The following SYN3 variants were observed in gnomAD, a reference collection of about 807,000 sequenced individuals.
SYN3 encodes synapsin III.
A neutral mutation model predicts 65.8 loss-of-function variants in SYN3; 35 were observed. The observed-to-expected ratio is 0.53, with a 90% CI of 0.41 to 0.70. The LOEUF is 0.70. SYN3 is among the 30% of genes least tolerant of loss of function. SYN3 has a pLI of 0.00. For missense variants in SYN3, 680 were observed against 749.0 expected (o/e 0.91, Z 1.08); for synonymous variants, 270 against 292.9 (o/e 0.92, Z 0.80).
intron 1 of SYN3, among the ~76,000 whole-genome samples, chr22:33,016,562 C>G (rs970359843): frequency 1.3e-5 from 2 of 152,190 alleles, no homozygotes; most frequent in Non-Finnish European, 2.9e-5. Flanking sequence ...CGCTCCAACA[C>G]TTGTATCTGA....
At chr22:32,616,115 C>G (rs978806467) in intron 6 of SYN3, among the ~76,000 whole-genome samples, 7 of 152,158 alleles carry the variant, frequency 4.6e-5, no homozygotes, top group Admixed American at 2.0e-4. Flanking sequence ...AGCCAGGAGC[C>G]GGAGTGACAG....
At chr22:32,896,359 G>A (rs2049593625) in intron 4 of SYN3, among the ~76,000 whole-genome samples, 1 of 152,200 alleles carries the variant, frequency 6.6e-6, no homozygotes, top group African/African-American at 2.4e-5. Context: ...GGGAGGCTGA[G>A]GCAGGAGAAT....
At chr22:32,808,969 C>T (rs960802849) in intron 6 of SYN3, among the ~76,000 whole-genome samples, 2 of 152,192 alleles carry the variant, frequency 1.3e-5, no homozygotes, top group Non-Finnish European at 2.9e-5. Flanking sequence ...TAAGTCTAGT[C>T]CTGTCTTCTG....
At chr22:32,523,467 TGTGC>T (rs2057923409) in intron 12 of SYN3, among the ~76,000 whole-genome samples, 1 of 152,118 alleles carries the variant, frequency 6.6e-6, no homozygotes, top group Non-Finnish European at 1.5e-5. Context: ...GAGCTGAGAT[TGTGC>T]AACTGTACTC....
At chr22:32,807,132 T>C (rs1184258114) in intron 6 of SYN3, among the ~76,000 whole-genome samples, 1 of 150,388 alleles carries the variant, frequency 6.6e-6, no homozygotes, top group Non-Finnish European at 1.5e-5. Context: ...CCCACCACAT[T>C]GGCAGACTGG....
intron 4 of SYN3, among the ~76,000 whole-genome samples, chr22:32,927,887 A>G (rs1202489328): frequency 6.6e-6 from 1 of 152,196 alleles, no homozygotes; most frequent in Non-Finnish European, 1.5e-5. Flanking sequence ...TTGGCAATTA[A>G]TTTCTCTCAG....
intron 10 of SYN3, chr22:32,529,957 G>A (rs907937794): frequency 1.3e-5 from 2 of 152,324 alleles, no homozygotes; most frequent in African/African-American, 4.8e-5. Context: ...ATCCAACAGG[G>A]AACAGCTAAC....
chr22:32,995,207 C>G (rs993658677), intron 2 of SYN3, among the ~76,000 whole-genome samples: 1 of 152,136 alleles, frequency 6.6e-6, no homozygotes, highest in South Asian at 2.1e-4. Flanking sequence ...TTGGCTCTTC[C>G]CAGCCAGAAA....
chr22:32,887,155 T>A (rs2049316499), intron 4 of SYN3, among the ~76,000 whole-genome samples: 1 of 152,078 alleles, frequency 6.6e-6, no homozygotes, highest in Non-Finnish European at 1.5e-5. Context: ...GGTGGGAGGA[T>A]CGCTTGAGTT....
At chr22:32,860,597 A>G (rs1218644566) in intron 6 of SYN3, 1 of 152,462 alleles carries the variant, frequency 6.6e-6, no homozygotes, top group African/African-American at 2.4e-5. Context: ...CTTCCCTATC[A>G]TGGGTCATCT....
intron 6 of SYN3, among the ~76,000 whole-genome samples, chr22:32,788,968 G>GC (rs904157251): frequency 1.4e-4 from 22 of 152,058 alleles, no homozygotes; most frequent in African/African-American, 9.6e-5. Flanking sequence ...GCCACATGCT[G>GC]CCCCCCCACC....
intron 4 of SYN3, among the ~76,000 whole-genome samples, chr22:32,907,578 C>A (rs137538): frequency 0.5 from 76,391 of 151,872 alleles, 19,930 homozygotes; most frequent in Non-Finnish European, 0.57. Flanking sequence ...GAGTAGGGAG[C>A]CAAAAAATTC....
chr22:32,746,457 C>A (rs1432397121), intron 6 of SYN3, among the ~76,000 whole-genome samples: 1 of 151,658 alleles, frequency 6.6e-6, no homozygotes, highest in East Asian at 1.9e-4. Flanking sequence ...TTTAAAGCTA[C>A]CTTTAGCTTA....
chr22:32,647,480 T>C (rs1256515742), intron 6 of SYN3, among the ~76,000 whole-genome samples: 1 of 151,320 alleles, frequency 6.6e-6, no homozygotes, highest in Non-Finnish European at 1.5e-5. Flanking sequence ...AGGGTCTCAC[T>C]CTATAGCCCA....
At chr22:32,658,461 C>T (rs2060172959) in intron 6 of SYN3, among the ~76,000 whole-genome samples, 1 of 152,180 alleles carries the variant, frequency 6.6e-6, no homozygotes, top group Non-Finnish European at 1.5e-5. Flanking sequence ...ACATGCTGAC[C>T]CTGCCTTGGC....
At chr22:33,056,883 G>C (rs1778400375) in intron 1 of SYN3, among the ~76,000 whole-genome samples, 1 of 152,206 alleles carries the variant, frequency 6.6e-6, no homozygotes, top group Non-Finnish European at 1.5e-5. Context: ...AAACAGAAAG[G>C]GGAGCCCAGG....
intron 6 of SYN3, among the ~76,000 whole-genome samples, chr22:32,619,732 T>C (rs191760282): frequency 6.6e-6 from 1 of 152,178 alleles, no homozygotes; most frequent in Non-Finnish European, 1.5e-5. Context: ...CCTTTGAATC[T>C]GGGCTGGCCT....
In SYN3 at chr22:32,533,796, G is replaced by A. The variant is rs768903181; in HGVS notation, c.1092C>T (p.Ile364=). ...GACTCCCTGCTTCATCCCTCACCTC[G>A]ATGATGTAATCTCTGCCATCCTTGC... is the stretch of plus-strand genomic sequence containing the variant. ...VHSKDGRDYI[I]EVMDSSMPLI... Residue 364 remains isoleucine (I), a synonymous_variant, in exon 10 of 14, where the codon ATC becomes ATT. Transcript: ENST00000358763. 4 of 1,611,192 alleles carry A rather than the reference G, an allele frequency of 2.5e-6. No homozygotes were observed. The highest frequency in any genetic ancestry group is 1.3e-5 in the African/African-American group (1 of 74,894).
intron 2 of SYN3, among the ~76,000 whole-genome samples, chr22:32,995,416 A>G (rs2052848625): frequency 6.6e-6 from 1 of 151,966 alleles, no homozygotes; most frequent in African/African-American, 2.4e-5. Context: ...ATATACTTAG[A>G]CTCATTCATT....
Sources: allele counts gnomAD v4.1 joint callset (sites outside exome capture counted in the v4.1 genomes callset), GRCh38; gene constraint gnomAD v4.1.1; transcripts MANE v1.5; gene names NCBI Gene and HGNC (gene_info 2026-07-23, HGNC 2026-07-21).